CHODL: variants seen among roughly 807,000 people sequenced by gnomAD.
CHODL encodes chondrolectin, also known as transmembrane protein MT75.
Under a neutral mutation model 34.5 loss-of-function variants are expected in CHODL, and 29 were observed. The observed-to-expected ratio is 0.84, with a 90% CI of 0.63 to 1.15. CHODL has a LOEUF of 1.15. CHODL is among the 50% of genes most tolerant of loss of function. The pLI is 0.00. For missense variants in CHODL, 332 were observed against 332.5 expected, an observed-to-expected ratio of 1.00 and a Z score of 0.01; for synonymous variants, 125 against 116.1, an observed-to-expected ratio of 1.08 and a Z score of -0.49.
At chr21:18,082,582 T>C (rs2064955566) in intron 2 of CHODL, among the ~76,000 whole-genome samples, 1 of 152,150 alleles carries the variant, frequency 6.6e-6, no homozygotes, top group Non-Finnish European at 1.5e-5. Context: ...GATAGTGATA[T>C]GAACAGTGAA....
intron 2 of CHODL, among the ~76,000 whole-genome samples, chr21:18,096,299 T>C (rs2065139003): frequency 6.6e-6 from 1 of 152,198 alleles, no homozygotes; most frequent in Non-Finnish European, 1.5e-5. Context: ...TTGAACAATA[T>C]GAAATCTGGG....
At chr21:17,951,066 ATTC>A (rs1286817714) in intron 1 of CHODL, among the ~76,000 whole-genome samples, 2 of 151,622 alleles carry the variant, frequency 1.3e-5, no homozygotes, top group East Asian at 3.9e-4. Context: ...AAGTGTATAT[ATTC>A]TTATATAAGA....
At chr21:17,923,462 G>GT (rs71318108) in intron 1 of CHODL, among the ~76,000 whole-genome samples, 2,407 of 130,624 alleles carry the variant, frequency 0.018, 107 homozygotes, top group African/African-American at 0.055. Context: ...TAATTCTTCA[G>GT]TTTTTTTTTT....
chr21:18,097,978 AC>A (rs1478693971), intron 2 of CHODL, among the ~76,000 whole-genome samples: 2 of 152,108 alleles, frequency 1.3e-5, no homozygotes, highest in African/African-American at 4.8e-5. Context: ...AAAGACAGTC[AC>A]TTCAATAAGT....
intron 4 of CHODL, among the ~76,000 whole-genome samples, chr21:18,261,861 A>T (rs2074386502): frequency 6.6e-6 from 1 of 152,130 alleles, no homozygotes; most frequent in Admixed American, 6.5e-5. Context: ...AATTAAGATC[A>T]AGTCTTTGTG....
chr21:18,000,439 A>G (rs938977217), intron 1 of CHODL, among the ~76,000 whole-genome samples: 8 of 152,166 alleles, frequency 5.3e-5, no homozygotes, highest in African/African-American at 1.9e-4. Flanking sequence ...TCTTCTGCCC[A>G]TCTTCCTAGT....
At chr21:18,096,681 G>C (rs1388570174) in intron 2 of CHODL, among the ~76,000 whole-genome samples, 1 of 152,152 alleles carries the variant, frequency 6.6e-6, no homozygotes, top group East Asian at 1.9e-4. Context: ...GTTTATCAGT[G>C]ACAATGCTTG....
intron 2 of CHODL, among the ~76,000 whole-genome samples, chr21:18,216,219 T>A (rs74942486): frequency 0.015 from 2,231 of 152,304 alleles, 51 homozygotes; most frequent in African/African-American, 0.051. Flanking sequence ...TGAAGTATAA[T>A]GATTAAATCA....
chr21:18,048,953 C>T (rs1479053805), intron 2 of CHODL, among the ~76,000 whole-genome samples: 1 of 151,798 alleles, frequency 6.6e-6, no homozygotes, highest in Non-Finnish European at 1.5e-5. Flanking sequence ...TTTTGGTTTA[C>T]AATGATTTTC....
At chr21:18,096,403 A>T (rs1018226061) in intron 2 of CHODL, among the ~76,000 whole-genome samples, 3 of 152,234 alleles carry the variant, frequency 2.0e-5, no homozygotes, top group African/African-American at 7.2e-5. Context: ...GAACAGAGTC[A>T]TATTTCTCTT....
chr21:18,239,953 AG>A (rs2074065817), upstream of CHODL, among the ~76,000 whole-genome samples: 1 of 152,048 alleles, frequency 6.6e-6, no homozygotes. Context: ...GGAGGGAGGA[AG>A]GGAAGAAAAT....
At chr21:18,128,288 A>G (rs1203404009) in intron 2 of CHODL, among the ~76,000 whole-genome samples, 1 of 114,538 alleles carries the variant, frequency 8.7e-6, no homozygotes, top group Non-Finnish European at 1.7e-5. Flanking sequence ...GTGACAGAGC[A>G]AGAGTCTCAA....
intron 2 of CHODL, among the ~76,000 whole-genome samples, chr21:18,205,613 C>G (rs2073702923): frequency 6.6e-6 from 1 of 152,068 alleles, no homozygotes; most frequent in African/African-American, 2.4e-5. Flanking sequence ...AAACTTTCCT[C>G]TAAGTACTGA....
At chr21:17,923,313 A>C (rs934718341) in intron 1 of CHODL, among the ~76,000 whole-genome samples, 2 of 151,902 alleles carry the variant, frequency 1.3e-5, no homozygotes, top group African/African-American at 4.8e-5. Flanking sequence ...TTATCACCAT[A>C]AATGCTGACA....
At chr21:17,996,148 G>T (rs1983070398) in intron 1 of CHODL, among the ~76,000 whole-genome samples, 3 of 151,726 alleles carry the variant, frequency 2.0e-5, no homozygotes, top group Admixed American at 6.6e-5. Flanking sequence ...TAACTCAAAT[G>T]CAGTCAGTTA....
At chr21:17,920,007 A>G (rs921099906) in intron 1 of CHODL, among the ~76,000 whole-genome samples, 1 of 152,116 alleles carries the variant, frequency 6.6e-6, no homozygotes, top group African/African-American at 2.4e-5. Flanking sequence ...TCCATCTGAG[A>G]TCACCTTAGC....
intron 1 of CHODL, among the ~76,000 whole-genome samples, chr21:17,994,711 C>G (rs1355683781): frequency 6.6e-6 from 1 of 152,222 alleles, no homozygotes; most frequent in East Asian, 1.9e-4. Context: ...TGGGACAGAC[C>G]TGTCCTCAGG....
intron 1 of CHODL, chr21:18,245,803 C>T (rs188324045): frequency 1.3e-5 from 12 of 948,998 alleles, no homozygotes; most frequent in African/African-American, 4.9e-5. Context: ...CCTGGGCATT[C>T]GGTCTTTGTT....
chr21:17,930,573 G>A (rs2063264440), intron 1 of CHODL, among the ~76,000 whole-genome samples: 2 of 152,210 alleles, frequency 1.3e-5, no homozygotes, highest in South Asian at 4.1e-4. Context: ...TCCTATCACA[G>A]CCAATACCTG....
Sources: gnomAD v4.1 joint callset for allele counts (sites outside exome capture counted in the v4.1 genomes callset) on GRCh38, gnomAD v4.1.1 for gene constraint, MANE v1.5 for transcripts, NCBI Gene and HGNC (gene_info 2026-07-23, HGNC 2026-07-21) for gene names.